Variants in EIF2AK3 observed in about 807,000 individuals in gnomAD.
The protein encoded by EIF2AK3 is eukaryotic translation initiation factor 2 alpha kinase 3.
Under a neutral mutation model 113.5 loss-of-function variants are expected in EIF2AK3, and 50 were observed. The ratio of observed to expected loss-of-function variants is 0.44; its 90% CI spans 0.35 to 0.56. The LOEUF (loss-of-function observed/expected upper bound fraction) is 0.56, where lower values mean the gene tolerates loss of function less well. EIF2AK3 is among the 20% of genes least tolerant of loss of function. The probability of loss-of-function intolerance (pLI) is 0.00; values close to 1 mark genes in which losing one functional copy is unlikely to be tolerated. For missense variants in EIF2AK3, 1,185 were observed against 1,378.0 expected (o/e 0.86, Z 2.22); for synonymous variants, 448 against 495.4 (o/e 0.90, Z 1.27).
rs143199364 is a variant in EIF2AK3 at position 88,558,849 on chromosome 2, G to A, written c.3150+68C>T. ...TCTGTAAAATAGGGGAAACTGAGTC[G>A]ACTGCTAAGGACCGCTTACGTTCTA... On this transcript the variant is annotated intron_variant, in intron 16 of 16. Coordinates refer to ENST00000303236, the MANE Select transcript of EIF2AK3 (RefSeq NM_004836.7). The A allele has an allele frequency of 2.9e-4, 371 of 1,266,500 alleles. 2 individuals carry two copies. The East Asian group carries it at 8.2e-3, about 28-fold the overall frequency. The allele number at this position is 1,266,500 out of a possible 1,614,324, so 78.5% of individuals were successfully genotyped here.
intron 1 of EIF2AK3, among the ~76,000 whole-genome samples, chr2:88,621,804 T>C (rs903404607): frequency 6.6e-6 from 1 of 152,214 alleles, no homozygotes; most frequent in Non-Finnish European, 1.5e-5. Context: ...ATCTAAGTTT[T>C]CAGTGGTACA....
At chr2:88,619,136 C>A (rs1471622331) in intron 1 of EIF2AK3, among the ~76,000 whole-genome samples, 1 of 151,968 alleles carries the variant, frequency 6.6e-6, no homozygotes, top group South Asian at 2.1e-4. Flanking sequence ...ATTACAGGTG[C>A]CCACCACCAT....
chr2:88,584,538 A>AG (rs1477377799), intron 9 of EIF2AK3, among the ~76,000 whole-genome samples: 1 of 151,328 alleles, frequency 6.6e-6, no homozygotes, highest in Non-Finnish European at 1.5e-5. Flanking sequence ...AAAAAAAAAA[A>AG]AAAAAAAAAA....
intron 1 of EIF2AK3, among the ~76,000 whole-genome samples, chr2:88,623,997 CTT>C (rs562658870): frequency 6.8e-6 from 1 of 146,950 alleles, no homozygotes. Context: ...TTTTCCTTTT[CTT>C]TTTTTTTTTG....
intron 1 of EIF2AK3, among the ~76,000 whole-genome samples, chr2:88,617,343 A>G (rs1423266939): frequency 9.2e-5 from 14 of 152,214 alleles, no homozygotes; most frequent in African/African-American, 3.1e-4. Flanking sequence ...TTGCAGCAAC[A>G]TGGAGGGAGC....
chr2:88,592,179 G>A (rs748057727), intron 4 of EIF2AK3, among the ~76,000 whole-genome samples: 6 of 152,132 alleles, frequency 3.9e-5, no homozygotes, highest in African/African-American at 9.6e-5. Flanking sequence ...TAGAATCAGC[G>A]TATCTAATCT....
At position 88,557,774 on chromosome 2, in the gene EIF2AK3, G is replaced by A. The variant is rs1490490578; in HGVS notation, c.3313C>T (p.Gln1105Ter). ...AAAGGGCTATGGGAGTTGTTGGACT[G>A]TCTTGAATGTTTTGTTCCCGATGAA... is the stretch of plus-strand genomic sequence containing the variant. Reference protein sequence around the residue: ...LSSSGTKHSRQSNNSHSPLPS... With the variant: ...LSSSGTKHSR Residue 1105 changes from glutamine (Q) to a stop codon, truncating the protein, a stop_gained, in exon 17 of 17, where the codon CAG (glutamine) becomes TAG (stop). Coordinates refer to ENST00000303236, the MANE Select transcript of EIF2AK3 (RefSeq NM_004836.7). LOFTEE classifies it high-confidence loss of function. The A allele has an allele frequency of 6.2e-7, 1 of 1,614,150 alleles. No homozygotes were observed. The highest frequency in any genetic ancestry group is 1.1e-5 in the South Asian group (1 of 91,084).
intron 1 of EIF2AK3, among the ~76,000 whole-genome samples, chr2:88,618,335 T>C (rs952606608): frequency 1.3e-5 from 2 of 152,188 alleles, no homozygotes; most frequent in Admixed American, 1.3e-4. Flanking sequence ...TATTCAAGAA[T>C]TGAAGGAACT....
At chr2:88,577,345 A>G (rs1674486853) in intron 11 of EIF2AK3, among the ~76,000 whole-genome samples, 1 of 152,060 alleles carries the variant, frequency 6.6e-6, no homozygotes, top group Admixed American at 6.6e-5. Flanking sequence ...CAAGTATTTC[A>G]GTTTTGTTTG....
chr2:88,604,659 C>T (rs139754289), intron 2 of EIF2AK3, among the ~76,000 whole-genome samples: 20 of 152,316 alleles, frequency 1.3e-4, no homozygotes, highest in African/African-American at 3.4e-4. Flanking sequence ...CAATTCTGCA[C>T]GCCTCCCTCC....
intron 1 of EIF2AK3, among the ~76,000 whole-genome samples, chr2:88,625,580 C>T (rs1169210885): frequency 1.3e-5 from 2 of 152,148 alleles, no homozygotes; most frequent in Non-Finnish European, 2.9e-5. Flanking sequence ...TAGGTCTTCT[C>T]GTTTCATCCG....
At position 88,614,531 on chromosome 2, in the gene EIF2AK3, C is replaced by T. The variant is rs140005261; in HGVS notation, c.309-678G>A. On this transcript the variant is annotated intron_variant, in intron 1 of 16. Transcript: ENST00000303236. The stretch of plus-strand genomic sequence containing the variant: ...GGGTTTTCAATATCTATCTACCTTG[C>T]TTCAGCTGCTCCTGTGGTCAGACTC... 3.3e-5 allele frequency among the ~76,000 whole-genome samples: 5 copies of T among 152,288 alleles called. 1 individual carries two copies. In the East Asian group the frequency reaches 9.6e-4, roughly 29 times the overall value.
chr2:88,627,488 A>C (rs1197739313), upstream of EIF2AK3: 3 of 524,344 alleles, frequency 5.7e-6, no homozygotes, highest in South Asian at 5.1e-5. Context: ...CCCATTGAGC[A>C]AACTTTCCGC....
At chr2:88,579,367 C>T in intron 11 of EIF2AK3, 151 bp downstream of exon 11, 3 of 986,076 alleles carry the variant, frequency 3.0e-6, no homozygotes, top group Non-Finnish European at 3.0e-6. Flanking sequence ...TTTTAGACAG[C>T]TGGTTAATTG....
intron 14 of EIF2AK3, among the ~76,000 whole-genome samples, chr2:88,563,008 T>G (rs917817913): frequency 2.0e-5 from 3 of 152,356 alleles, no homozygotes; most frequent in South Asian, 2.1e-4. Context: ...CCTCAATAAA[T>G]ACTTAGTTGT....
chr2:88,582,293 T>G (rs1044577499), intron 10 of EIF2AK3, among the ~76,000 whole-genome samples: 1 of 152,206 alleles, frequency 6.6e-6, no homozygotes, highest in Non-Finnish European at 1.5e-5. Flanking sequence ...AGAGTAGGTC[T>G]GAAATACATG....
intron 3 of EIF2AK3, chr2:88,593,985 T>A (rs1018564290): frequency 1.0e-5 from 10 of 984,516 alleles, no homozygotes; most frequent in East Asian, 2.2e-4. Context: ...ATCCTGTTGT[T>A]TACAGATGAG....
At chr2:88,572,906 A>G (rs983357561) in intron 13 of EIF2AK3, among the ~76,000 whole-genome samples, 1 of 152,224 alleles carries the variant, frequency 6.6e-6, no homozygotes. Flanking sequence ...AGTGTATATC[A>G]AGAGGAACTG....
rs114301464 is a variant in EIF2AK3 at position 88,572,074 on chromosome 2, C to T, written c.2818-1033G>A. Among the ~76,000 whole-genome samples the T allele has an allele frequency of 4.1e-3, 625 of 152,292 alleles. 7 individuals are homozygous for T. The highest frequency in any genetic ancestry group is 0.014 in the African/African-American group (595 of 41,548). ...TGTTTCAAATACTGCCAGAAAATAA[C>T]ATTGCATTCCCAAACTCTAAAATAC... On this transcript the variant is annotated intron_variant, in intron 13 of 16. Transcript: ENST00000303236.
Sources: allele counts gnomAD v4.1 joint callset (sites outside exome capture counted in the v4.1 genomes callset), GRCh38; gene constraint gnomAD v4.1.1; transcripts MANE v1.5; gene names NCBI Gene and HGNC (gene_info 2026-07-23, HGNC 2026-07-21).